Variants in SLC12A4 observed in about 807,000 individuals in gnomAD.
The protein encoded by SLC12A4 is electroneutral potassium-chloride cotransporter 1.
Under a neutral mutation model 119.2 loss-of-function variants are expected in SLC12A4, and 84 were observed. The ratio of observed to expected loss-of-function variants is 0.70; its 90% CI spans 0.59 to 0.85. The LOEUF is 0.85. Among genes scored for constraint, SLC12A4 ranks in the 40% least tolerant of loss-of-function variants. SLC12A4 has a pLI of 0.00. For synonymous variants in SLC12A4, 599 were observed against 604.6 expected, an observed-to-expected ratio of 0.99 and a Z score of 0.14; for missense variants, 1,298 against 1,476.3, an observed-to-expected ratio of 0.88 and a Z score of 1.98.
At chr16:67,952,575 G>C in intron 6 of SLC12A4, 150 bp from the exon 7 acceptor site, 1 of 787,934 alleles carries the variant, frequency 1.3e-6, no homozygotes, top group Non-Finnish European at 2.1e-6. Context: ...TGAGGTGGGG[G>C]ATCACTTGAG....
At chr16:67,967,163 C>G (rs1164130320) in intron 1 of SLC12A4, among the ~76,000 whole-genome samples, 1 of 152,222 alleles carries the variant, frequency 6.6e-6, no homozygotes, top group Non-Finnish European at 1.5e-5. Flanking sequence ...GTCCAGCAGC[C>G]CATGCCACTG....
At chr16:67,947,459 G>A in intron 15 of SLC12A4, 24 bp from the exon 16 acceptor site, 1 of 1,605,906 alleles carries the variant, frequency 6.2e-7, no homozygotes, top group South Asian at 1.1e-5. Context: ...CACAGCTGGT[G>A]AGCCCCTGGT....
intron 5 of SLC12A4, among the ~76,000 whole-genome samples, chr16:67,956,890 A>C (rs1035164147): frequency 2.0e-5 from 3 of 152,038 alleles, no homozygotes; most frequent in Middle Eastern, 3.2e-3. Context: ...GCAATACTTC[A>C]TAAGACCCTA....
Position 67,944,760 on chromosome 16 carries a change from G to C in SLC12A4, c.*80C>G. On this transcript the variant is annotated 3_prime_UTR_variant, in exon 24 of 24. Coordinates refer to ENST00000316341, the MANE Select transcript of SLC12A4 (RefSeq NM_005072.5). The surrounding 1 kb of genome is among the most constrained non-coding windows in gnomAD (Gnocchi z 6.6). ...AAGCAGGGCTGGCAGGTGGGTGCTG[G>C]GAAGAGGCTGTTACCCCAGACCACA... The C allele has an allele frequency of 6.4e-7, 1 of 1,552,140 alleles. No individual in the cohort carries two copies. The highest frequency in any genetic ancestry group is 8.7e-7 in the Non-Finnish European group (1 of 1,151,306).
At chr16:67,952,885 G>C (rs950165842) in intron 6 of SLC12A4, among the ~76,000 whole-genome samples, 6 of 151,294 alleles carry the variant, frequency 4.0e-5, no homozygotes, top group African/African-American at 1.5e-4. Flanking sequence ...TCAGGAGTTT[G>C]AGACCAGCCT....
At chr16:67,946,141 CCT>C (rs1198369960) in intron 19 of SLC12A4, 28 bp downstream of exon 19, 2 of 1,613,320 alleles carry the variant, frequency 1.2e-6, no homozygotes, top group South Asian at 2.2e-5. Flanking sequence ...GGGCCTAGCC[CCT>C]CTCATCTGCA....
Position 67,943,757 on chromosome 16 carries a change from TCA to T in SLC12A4, c.*1081_*1082del, listed in dbSNP as rs1250125204. 6 of 604,370 alleles carry T rather than the reference TCA, an allele frequency of 9.9e-6. No homozygotes were observed. Among genetic ancestry groups the T allele is most frequent in the East Asian group, 2.9e-5 (1 of 35,034 alleles). The allele number at this position is 604,370 out of a possible 1,614,324, so 37.4% of individuals were successfully genotyped here. A position where few individuals can be genotyped will look rare whatever the true frequency, so the allele number is the denominator to read the frequency against. ...CCCCCCTGGGTTAGACAACTGAGAGTCACAGTGTGGTGGGAGAAGGGACGTCA... is the reference window on the plus strand; with the variant it reads ...CCCCCCTGGGTTAGACAACTGAGAGTCAGTGTGGTGGGAGAAGGGACGTCA... On this transcript the variant is annotated 3_prime_UTR_variant, in exon 24 of 24. Transcript: ENST00000316341. The surrounding 1 kb of genome is among the most constrained non-coding windows in gnomAD (Gnocchi z 4.6).
rs373872410 is a variant in SLC12A4, at chr16:67,954,797, G to A, written c.545-24C>T. 1.2e-4 allele frequency: 200 copies of A among 1,614,092 alleles called. 3 individuals are homozygous for A. The South Asian group carries it at 2.0e-3, about 16-fold the overall frequency. On this transcript the variant is annotated intron_variant, in intron 5 of 23. Transcript: ENST00000316341. ...AGCTACAGCAGAGAAATGAAAGTGT[G>A]CACAGGTCAAGGCTGGTTCTTCTTC... is the stretch of plus-strand genomic sequence containing the variant.
chr16:67,950,247 T>G lies in SLC12A4; in HGVS notation c.1629+72A>C. 1 of 1,543,066 alleles carries G rather than the reference T, an allele frequency of 6.5e-7. No homozygotes were observed. The highest frequency in any genetic ancestry group is 1.9e-5 in the Admixed American group (1 of 53,436). ...AGGGCAGGACGTGCTGCATCTGTGT[T>G]CCCTATCTCTCTCCCCAGCCGGGCG... On this transcript the variant is annotated intron_variant, in intron 12 of 23. Coordinates refer to ENST00000316341, the MANE Select transcript of SLC12A4 (RefSeq NM_005072.5). The surrounding 1 kb of genome is among the most constrained non-coding windows in gnomAD (Gnocchi z 4.3).
intron 5 of SLC12A4, among the ~76,000 whole-genome samples, chr16:67,956,162 C>T (rs890162065): frequency 6.6e-6 from 1 of 151,460 alleles, no homozygotes; most frequent in African/African-American, 2.4e-5. Context: ...GGGCGACACA[C>T]TCCGTCTCAA....
In SLC12A4 at chr16:67,951,004, G is replaced by A; in HGVS notation, c.1354C>T (p.Pro452Ser). Residue 452 changes from proline (P) to serine (S), a missense_variant, in exon 10 of 24, where the codon CCT becomes TCT. By Grantham distance (74) the Pro-to-Ser change is moderately conservative. Coordinates refer to ENST00000316341, the MANE Select transcript of SLC12A4 (RefSeq NM_005072.5). The surrounding 1 kb of genome is among the most constrained non-coding windows in gnomAD (Gnocchi z 5.2). Reference protein sequence around the residue: ...GDLRDAQKSIPVGTILAIITT... With the variant: ...GDLRDAQKSISVGTILAIITT... ...ATGATGGCCAGAATGGTCCCCACAG[G>A]GATAGACTTCTGGGCGTCACGAAGG... is the stretch of plus-strand genomic sequence containing the variant. The A allele has an allele frequency of 6.2e-7, 1 of 1,613,930 alleles. No homozygotes were observed. The highest frequency in any genetic ancestry group is 8.5e-7 in the Non-Finnish European group (1 of 1,180,020).
intron 1 of SLC12A4, 79 bp downstream of exon 1, chr16:67,968,360 T>TGCGGGC: frequency 4.6e-6 from 6 of 1,310,116 alleles, no homozygotes; most frequent in Non-Finnish European, 6.1e-6. Flanking sequence ...CCGGGATAGG[T>TGCGGGC]GCGGGCGCGG....
In SLC12A4 at chr16:67,949,778, G is replaced by C; in HGVS notation, c.1748+22C>G. On this transcript the variant is annotated intron_variant, in intron 13 of 23. Coordinates refer to ENST00000316341, the MANE Select transcript of SLC12A4 (RefSeq NM_005072.5). The surrounding 1 kb of genome is among the most constrained non-coding windows in gnomAD (Gnocchi z 4.6). The stretch of plus-strand genomic sequence containing the variant: ...TCAGGAAGCCTTTCCCCATCCCCCT[G>C]CCCTGCCCGGCCCCAGCTCACATGG... 6.5e-7 allele frequency: 1 copy of C among 1,549,526 alleles called. No homozygotes were observed. The highest frequency in any genetic ancestry group is 8.9e-7 in the Non-Finnish European group (1 of 1,126,372).
intron 3 of SLC12A4, among the ~76,000 whole-genome samples, chr16:67,959,842 T>C (rs1289636405): frequency 6.6e-6 from 1 of 152,226 alleles, no homozygotes; most frequent in Non-Finnish European, 1.5e-5. Flanking sequence ...GAGGCTGCTT[T>C]GGGTCTTGGC....
At chr16:67,961,808 GGCCTGGGCCTGATCCCA>G in intron 2 of SLC12A4, 102 bp from the exon 3 acceptor site, 1 of 1,469,310 alleles carries the variant, frequency 6.8e-7, no homozygotes, top group South Asian at 1.2e-5. Flanking sequence ...CCCTGAGACA[GGCCTGGGCCTGATCCCA>G]GTTCCTACCT....
chr16:67,945,291 T>C (rs1179878339), intron 22 of SLC12A4, 71 bp from the exon 23 acceptor site: 1 of 1,565,434 alleles, frequency 6.4e-7, no homozygotes, highest in Admixed American at 1.8e-5. Flanking sequence ...CCCTGGCCCA[T>C]CTAACACTAC....
intron 1 of SLC12A4, among the ~76,000 whole-genome samples, chr16:67,966,512 G>A (rs2151342185): frequency 6.6e-6 from 1 of 152,350 alleles, no homozygotes; most frequent in Admixed American, 6.5e-5. Flanking sequence ...GTGGCAGGTG[G>A]GGATCCAGGT....
intron 1 of SLC12A4, chr16:67,964,009 C>T: frequency 6.4e-7 from 1 of 1,551,210 alleles, no homozygotes; most frequent in Non-Finnish European, 8.7e-7. Flanking sequence ...AAGCCGCACA[C>T]AGCACCTTCG....
At chr16:67,945,051 C>A in intron 23 of SLC12A4, 36 bp downstream of exon 23, 2 of 1,580,676 alleles carry the variant, frequency 1.3e-6, no homozygotes, top group Non-Finnish European at 1.7e-6. Flanking sequence ...CCATGCTATC[C>A]ACCTCCCAAC....
Sources: gnomAD v4.1 joint callset for allele counts (sites outside exome capture counted in the v4.1 genomes callset) on GRCh38, gnomAD v4.1.1 for gene constraint, Gnocchi (gnomAD v3.1) non-coding constraint, MANE v1.5 for transcripts, NCBI Gene and HGNC (gene_info 2026-07-23, HGNC 2026-07-21) for gene names.